The following SLC36A1 variants were observed in gnomAD, a reference collection of about 807,000 sequenced individuals.
The protein encoded by SLC36A1 is proton-coupled amino acid transporter 1.
A neutral mutation model predicts 47.5 loss-of-function variants in SLC36A1; 30 were observed. That is an observed-to-expected ratio of 0.63 (90% CI 0.47 to 0.86). The LOEUF is 0.86. Ranked by LOEUF, SLC36A1 falls within the 40% of genes least tolerant of loss-of-function variation. The probability of loss-of-function intolerance (pLI) is 0.00; values close to 1 mark genes in which losing one functional copy is unlikely to be tolerated. For synonymous variants in SLC36A1, 255 were observed against 249.7 expected (o/e 1.02, Z -0.20); for missense variants, 517 against 606.0 (o/e 0.85, Z 1.54).
the SLC36A1 span, chr5:151,347,513 G>A: frequency 1.9e-6 from 3 of 1,604,684 alleles, no homozygotes; most frequent in Admixed American, 1.7e-5. Context: ...GCTCTGGAAG[G>A]AGGGAAGCAG....
chr5:151,543,445 T>C, the SLC36A1 span: 1 of 1,614,162 alleles, frequency 6.2e-7, no homozygotes, highest in Non-Finnish European at 8.5e-7. Context: ...TCCTCCTCCA[T>C]CCCGAGCCAT....
the SLC36A1 span, among the ~76,000 whole-genome samples, chr5:151,408,493 G>A: frequency 6.6e-6 from 1 of 152,150 alleles, no homozygotes; most frequent in African/African-American, 2.4e-5. Context: ...GGCCAAGTCA[G>A]TGTTTTAACA....
At chr5:151,464,965 C>A in intron 4 of SLC36A1, 109 bp from the exon 5 acceptor site, 1 of 838,448 alleles carries the variant, frequency 1.2e-6, no homozygotes, top group Non-Finnish European at 2.0e-6. Context: ...GTGGTACCTC[C>A]AGGGTGAAAG....
chr5:151,444,435 C>A (rs1752802182), upstream of SLC36A1, among the ~76,000 whole-genome samples: 1 of 152,074 alleles, frequency 6.6e-6, no homozygotes, highest in African/African-American at 2.4e-5. Flanking sequence ...CAAATAAAAT[C>A]ATTCTCTTTA....
the SLC36A1 span, chr5:151,534,454 C>T: frequency 1.2e-6 from 2 of 1,613,702 alleles, no homozygotes; most frequent in Non-Finnish European, 1.7e-6. Context: ...GGGGTCTTCA[C>T]TGTGGTGTTG....
At chr5:151,507,292 CATTTGG>C in the SLC36A1 span, 1 of 1,614,170 alleles carries the variant, frequency 6.2e-7, no homozygotes, top group Non-Finnish European at 8.5e-7. Context: ...GTGACGAGTT[CATTTGG>C]AACAGAGGCC....
chr5:151,460,763 G>A lies in SLC36A1; in HGVS notation c.143+1828G>A, dbSNP rs79407746. ...ACCTAAATTAATATTTTAATATGTC[G>A]GAAGTGTTAGAGACAAGTTTTTGAG... On this transcript the variant is annotated intron_variant, in intron 2 of 10. Coordinates refer to ENST00000243389, the MANE Select transcript of SLC36A1 (RefSeq NM_078483.4). 0.011 allele frequency among the ~76,000 whole-genome samples: 1,616 copies of A among 150,842 alleles called. 64 individuals carry two copies. The East Asian group carries it at 0.14, about 13-fold the overall frequency.
At chr5:151,413,075 G>T in the SLC36A1 span, among the ~76,000 whole-genome samples, 81 of 147,478 alleles carry the variant, frequency 5.5e-4, 9 homozygotes, top group Admixed American at 1.1e-3. Flanking sequence ...GTGTCTGAGG[G>T]CAGGAACTTT....
At chr5:151,417,523 C>T in the SLC36A1 span, among the ~76,000 whole-genome samples, 7 of 152,138 alleles carry the variant, frequency 4.6e-5, no homozygotes, top group Non-Finnish European at 8.8e-5. Flanking sequence ...AGCATTTTGC[C>T]CCCAACCTAG....
rs1228846280 is a variant in SLC36A1 at position 151,489,375 on chromosome 5, C to G, written c.*1121C>G. ...CCATCGTGCTGGGACGACACCAGCT[C>G]TATTGCCACCGATGAGTAGCTGAGG... On this transcript the variant is annotated 3_prime_UTR_variant, in exon 11 of 11. Coordinates refer to ENST00000243389, the MANE Select transcript of SLC36A1 (RefSeq NM_078483.4). This position sits in a 1 kb window ranked among gnomAD's most constrained non-coding sequence, Gnocchi z 4.5. The G allele has an allele frequency of 6.6e-6, 1 of 152,630 alleles. No homozygotes were observed. The highest frequency in any genetic ancestry group is 1.9e-4 in the East Asian group (1 of 5,198). The allele number at this position is 152,630 out of a possible 1,614,324, so 9.5% of individuals were successfully genotyped here.
At chr5:151,524,961 A>G in the SLC36A1 span, among the ~76,000 whole-genome samples, 1 of 152,112 alleles carries the variant, frequency 6.6e-6, no homozygotes, top group Non-Finnish European at 1.5e-5. Flanking sequence ...TAAAGATGTT[A>G]TTTCTTTCTT....
chr5:151,552,539 A>G, the SLC36A1 span, among the ~76,000 whole-genome samples: 1 of 152,166 alleles, frequency 6.6e-6, no homozygotes, highest in South Asian at 2.1e-4. Flanking sequence ...AAGGGCCTAT[A>G]CATCCTCTAA....
intron 10 of SLC36A1, among the ~76,000 whole-genome samples, chr5:151,484,273 A>G (rs1759218521): frequency 6.6e-6 from 1 of 152,176 alleles, no homozygotes; most frequent in Admixed American, 6.5e-5. Context: ...TTTCTCTGAT[A>G]ATAAAGGCCT....
the SLC36A1 span, among the ~76,000 whole-genome samples, chr5:151,354,861 G>A: frequency 1.3e-5 from 2 of 152,142 alleles, no homozygotes; most frequent in African/African-American, 2.4e-5. Flanking sequence ...ATATATACGG[G>A]GGGTGGCAGA....
intron 1 of SLC36A1, among the ~76,000 whole-genome samples, chr5:151,439,053 C>G (rs1459436967): frequency 1.3e-5 from 2 of 152,018 alleles, no homozygotes; most frequent in African/African-American, 4.8e-5. Context: ...GGCTGGGAGG[C>G]CTCAGGAAAC....
chr5:151,534,044 C>T, the SLC36A1 span, among the ~76,000 whole-genome samples: 3 of 152,048 alleles, frequency 2.0e-5, no homozygotes, highest in African/African-American at 7.2e-5. Context: ...CCCAAAATTC[C>T]TTTCTTGAGG....
chr5:151,521,780 T>C, the SLC36A1 span: 2 of 1,614,186 alleles, frequency 1.2e-6, no homozygotes, highest in South Asian at 2.2e-5. Context: ...GTCCCATCGC[T>C]GACCGTGACG....
the SLC36A1 span, chr5:151,528,107 G>T: frequency 6.2e-7 from 1 of 1,614,094 alleles, no homozygotes; most frequent in Non-Finnish European, 8.5e-7. Context: ...CACTATTTAG[G>T]GGTCCATCTT....
At chr5:151,354,887 GA>G in the SLC36A1 span, among the ~76,000 whole-genome samples, 4 of 152,126 alleles carry the variant, frequency 2.6e-5, no homozygotes, top group Non-Finnish European at 4.4e-5. Context: ...TTTTCCAAAG[GA>G]AAATCAGAGA....
Sources: allele counts gnomAD v4.1 joint callset (sites outside exome capture counted in the v4.1 genomes callset), GRCh38; gene constraint gnomAD v4.1.1; non-coding constraint Gnocchi (gnomAD v3.1); transcripts MANE v1.5; gene names NCBI Gene and HGNC (gene_info 2026-07-23, HGNC 2026-07-21).